The following SEC16A variants were observed in gnomAD, a reference collection of about 807,000 sequenced individuals.
The protein encoded by SEC16A is protein transport protein Sec16A.
In SEC16A, 110 loss-of-function variants were observed where a neutral mutation model predicts 221.9. That is an observed-to-expected ratio of 0.50 (90% CI 0.42 to 0.58). SEC16A has a LOEUF of 0.58. SEC16A is among the 20% of genes least tolerant of loss of function. The pLI is 0.00. For synonymous variants in SEC16A, 1,393 were observed against 1,257.7 expected, an observed-to-expected ratio of 1.11 and a Z score of -2.28; for missense variants, 3,165 against 3,097.8, an observed-to-expected ratio of 1.02 and a Z score of -0.52.
chr9:136,448,157 T>C lies in SEC16A; in HGVS notation c.6317A>G (p.Glu2106Gly). The change falls in exon 24 of 32, where the codon GAA becomes GGA. Residue 2106 changes from glutamate to glycine, a missense_variant. Coordinates refer to ENST00000684901, the MANE Select transcript of SEC16A (RefSeq NM_014866.2). ...KKETKEPKKGESWFFRWLPGK... is the reference protein window; with the variant it reads ...KKETKEPKKGGSWFFRWLPGK... ...AGGTAGCCAACGAAAGAACCAGGAT[T>C]CACCCTAAATATAAAAAACACGAGA... 1 of 1,612,734 alleles carries C rather than the reference T, an allele frequency of 6.2e-7. No individual in the cohort carries two copies. Among genetic ancestry groups the C allele is most frequent in the South Asian group, 1.1e-5 (1 of 90,968 alleles).
In SEC16A at chr9:136,468,546, T is replaced by C. The variant is rs752760639; in HGVS notation, c.3705-34A>G. On this transcript the variant is annotated intron_variant, in intron 4 of 31. Transcript: ENST00000684901. Reference sequence around the variant, plus strand: ...ACACACAGTGCTGTTAAAACACAAATTACCTATTTCTTAAAGTGTGACATC... The same window carrying C: ...ACACACAGTGCTGTTAAAACACAAACTACCTATTTCTTAAAGTGTGACATC... The C allele has an allele frequency of 2.2e-6, 3 of 1,346,186 alleles. No homozygotes were observed. The South Asian group carries it at 3.5e-5, about 16-fold the overall frequency. 83.4% of individuals were successfully genotyped at this position (1,346,186 alleles called of 1,614,324 possible).
rs1836109323 is a variant in SEC16A at position 136,440,791 on chromosome 9, C to A, written c.*964G>T. The A allele has an allele frequency of 6.6e-6, 1 of 152,426 alleles. No homozygotes were observed. Among genetic ancestry groups the A allele is most frequent in the Non-Finnish European group, 1.5e-5 (1 of 68,050 alleles). 9.4% of individuals were successfully genotyped at this position (152,426 alleles called of 1,614,324 possible). A position where few individuals can be genotyped will look rare whatever the true frequency, so the allele number is the denominator to read the frequency against. On this transcript the variant is annotated 3_prime_UTR_variant, in exon 32 of 32. Coordinates refer to ENST00000684901, the MANE Select transcript of SEC16A (RefSeq NM_014866.2). Reference sequence around the variant, plus strand: ...GTGCTACCAACCTCTGAACCAACGTCCCCCAGGGGAGAAAGTGGGTCATGT... The same window carrying A: ...GTGCTACCAACCTCTGAACCAACGTACCCCAGGGGAGAAAGTGGGTCATGT...
intron 1 of SEC16A, among the ~76,000 whole-genome samples, chr9:136,482,263 G>T (rs767413795): frequency 2.6e-5 from 4 of 152,200 alleles, no homozygotes; most frequent in African/African-American, 7.2e-5. Flanking sequence ...TTGCCACATG[G>T]GGGATGGGAA....
At chr9:136,473,703 A>T (rs1204028661) in intron 3 of SEC16A, among the ~76,000 whole-genome samples, 2 of 152,256 alleles carry the variant, frequency 1.3e-5, no homozygotes, top group African/African-American at 4.8e-5. Context: ...GCAAGACAGA[A>T]CTTTTCTGCA....
chr9:136,451,991 C>A (rs1837877913), intron 22 of SEC16A, among the ~76,000 whole-genome samples: 1 of 152,138 alleles, frequency 6.6e-6, no homozygotes, highest in Admixed American at 6.5e-5. Context: ...AACCATCCCT[C>A]CTGGTTAGGA....
intron 2 of SEC16A, 96 bp from the exon 3 acceptor site, chr9:136,477,780 G>A (rs1258919768): frequency 4.1e-6 from 5 of 1,225,192 alleles, no homozygotes; most frequent in Non-Finnish European, 5.5e-6. Context: ...CATTGAACAT[G>A]ATTTTATGTC....
intron 20 of SEC16A, among the ~76,000 whole-genome samples, chr9:136,455,087 C>T (rs962366694): frequency 2.6e-5 from 4 of 152,198 alleles, no homozygotes; most frequent in African/African-American, 7.2e-5. Context: ...AGGAAGGAGC[C>T]CGTGCTCATC....
At chr9:136,456,926 G>C (rs562743999) in intron 18 of SEC16A, among the ~76,000 whole-genome samples, 27 of 152,322 alleles carry the variant, frequency 1.8e-4, no homozygotes, top group African/African-American at 5.8e-4. Context: ...CCAGCACTTT[G>C]GGAGGCCAAG....
Position 136,447,379 on chromosome 9 carries a change from G to C in SEC16A, c.6560-15C>G, listed in dbSNP as rs1210230391. ...TCTGGTTCCTGCTGCAAAGGGGAGG[G>C]AAGCAAATTGAGGTGAACGCGCCAG... On this transcript the variant is annotated splice_polypyrimidine_tract_variant and intron_variant, in intron 26 of 31. Coordinates refer to ENST00000684901, the MANE Select transcript of SEC16A (RefSeq NM_014866.2). This position sits in a 1 kb window ranked among gnomAD's most constrained non-coding sequence, Gnocchi z 5.5. 2 of 1,596,046 alleles carry C rather than the reference G, an allele frequency of 1.3e-6. No homozygotes were observed. The highest frequency in any genetic ancestry group is 1.7e-6 in the Non-Finnish European group (2 of 1,171,818).
Position 136,477,686 on chromosome 9 carries a change from TG to T in SEC16A, c.-69-3del. 2 of 1,461,742 alleles carry T rather than the reference TG, an allele frequency of 1.4e-6. No homozygotes were observed. Among genetic ancestry groups the T allele is most frequent in the East Asian group, 4.9e-5 (2 of 40,920 alleles). The allele number at this position is 1,461,742 out of a possible 1,614,324, so 90.5% of individuals were successfully genotyped here. A position where few individuals can be genotyped will look rare whatever the true frequency, so the allele number is the denominator to read the frequency against. On this transcript the variant is annotated splice_region_variant and splice_polypyrimidine_tract_variant and intron_variant, in intron 2 of 31. Coordinates refer to ENST00000684901, the MANE Select transcript of SEC16A (RefSeq NM_014866.2). ...GATATAGCTGTTCCTTAATTGGAGC[TG>T]GAAAAGAAAAAGAGAAAATCAGCAT...
Position 136,448,133 on chromosome 9 carries a change from G to A in SEC16A, c.6341C>T (p.Pro2114Leu), listed in dbSNP as rs2131873634. The stretch of plus-strand genomic sequence containing the variant: ...ATAAGCTTCTGTCTTTTTCTTTCCA[G>A]GTAGCCAACGAAAGAACCAGGATTC... ...KGESWFFRWL[P>L]GKKKTEAYLP... Residue 2114 changes from proline (P) to leucine (L), a missense_variant, in exon 24 of 32, where the codon CCT becomes CTT. Coordinates refer to ENST00000684901, the MANE Select transcript of SEC16A (RefSeq NM_014866.2). 4 of 1,613,536 alleles carry A rather than the reference G, an allele frequency of 2.5e-6. No homozygotes were observed. Among genetic ancestry groups the A allele is most frequent in the Non-Finnish European group, 3.4e-6 (4 of 1,179,694 alleles).
chr9:136,476,182 C>T lies in SEC16A; in HGVS notation c.1434G>A (p.Leu478=), dbSNP rs768619395. The T allele has an allele frequency of 6.2e-7, 1 of 1,613,870 alleles. No individual in the cohort carries two copies. The highest frequency in any genetic ancestry group is 8.5e-7 in the Non-Finnish European group (1 of 1,179,900). The change falls in exon 3 of 32, where the codon TTG becomes TTA. Residue 478 remains leucine (L), a synonymous_variant. Transcript: ENST00000684901. Reference sequence around the variant, plus strand: ...ACTGGTCACTCGGGGAGGAAGGGTCCAAATTGAGGGGCTCACTTGGCAGAA... The same window carrying T: ...ACTGGTCACTCGGGGAGGAAGGGTCTAAATTGAGGGGCTCACTTGGCAGAA... ...QEVLPSEPLN[L]DPSSPSDQFR... is the part of the protein sequence containing the mutation.
chr9:136,472,762 C>T (rs1427025181), intron 3 of SEC16A, among the ~76,000 whole-genome samples: 1 of 152,234 alleles, frequency 6.6e-6, no homozygotes. Context: ...CACGCTTAAG[C>T]GCCTCAAAGC....
Position 136,476,342 on chromosome 9 carries a change from TGGCAGAGGCTGCCTGCCCCCAC to T in SEC16A, c.1252_1273del (p.Val418ArgfsTer38). 1 of 1,611,940 alleles carries T rather than the reference TGGCAGAGGCTGCCTGCCCCCAC, an allele frequency of 6.2e-7. No homozygotes were observed. The highest frequency in any genetic ancestry group is 8.5e-7 in the Non-Finnish European group (1 of 1,179,784). ...ATTGCTGGGGCCTGGGAGAAGGGCC[TGGCAGAGGCTGCCTGCCCCCAC>T]GTGTGTAGGTGCGGGCGGACGGCCT... On this transcript the variant is annotated frameshift_variant, in exon 3 of 32. Transcript: ENST00000684901. LOFTEE classifies it high-confidence loss of function.
chr9:136,478,847 A>C lies in SEC16A; in HGVS notation c.-191-17T>G, dbSNP rs1784325860. On this transcript the variant is annotated splice_polypyrimidine_tract_variant and intron_variant, in intron 1 of 31. Coordinates refer to ENST00000684901, the MANE Select transcript of SEC16A (RefSeq NM_014866.2). ...AGACGGTCTCTATTTTAAAAAAATAAATAAATAAAAAGTGACACAATCATT... is the reference window on the plus strand; with the variant it reads ...AGACGGTCTCTATTTTAAAAAAATACATAAATAAAAAGTGACACAATCATT... Among the ~76,000 whole-genome samples, 1 of 152,254 alleles carries C rather than the reference A, an allele frequency of 6.6e-6. No individual in the cohort carries two copies. Among genetic ancestry groups the C allele is most frequent in the African/African-American group, 2.4e-5 (1 of 41,460 alleles).
At chr9:136,464,795 G>A (rs959110968) in intron 8 of SEC16A, among the ~76,000 whole-genome samples, 2 of 152,214 alleles carry the variant, frequency 1.3e-5, no homozygotes, top group African/African-American at 2.4e-5. Context: ...CTTGTACACT[G>A]AGAAAGCTCC....
At position 136,460,096 on chromosome 9, in the gene SEC16A, G is replaced by A. The variant is rs763527534; in HGVS notation, c.5019C>T (p.Asp1673=). 9 of 1,607,700 alleles carry A rather than the reference G, an allele frequency of 5.6e-6. No homozygotes were observed. Among genetic ancestry groups the A allele is most frequent in the Non-Finnish European group, 7.6e-6 (9 of 1,177,120 alleles). ...TGAGCTGGTAGACTGTCTGCAGAGG[G>A]TCGTTGATTGGGAGGCTGTTAGCAA... ...TRFANSLPIN[D]PLQTVYQLMS... Residue 1673 remains aspartate, a synonymous_variant, in exon 14 of 32, where the codon GAC becomes GAT. Coordinates refer to ENST00000684901, the MANE Select transcript of SEC16A (RefSeq NM_014866.2).
At position 136,466,903 on chromosome 9, in the gene SEC16A, C is replaced by G; in HGVS notation, c.3929+54G>C. The stretch of plus-strand genomic sequence containing the variant: ...ACCCAGACATGAGGGCAGAGAAGCA[C>G]TAGCGCGCCCTGGCTGCCCCCAGCC... On this transcript the variant is annotated intron_variant, in intron 6 of 31. Coordinates refer to ENST00000684901, the MANE Select transcript of SEC16A (RefSeq NM_014866.2). This position sits in a 1 kb window ranked among gnomAD's most constrained non-coding sequence, Gnocchi z 5.5. The G allele has an allele frequency of 6.4e-7, 1 of 1,572,606 alleles. No individual in the cohort carries two copies. The highest frequency in any genetic ancestry group is 1.9e-5 in the Admixed American group (1 of 53,722).
Position 136,466,584 on chromosome 9 carries a change from A to G in SEC16A, c.3930-122T>C, listed in dbSNP as rs943908972. The G allele has an allele frequency of 1.1e-6, 1 of 878,606 alleles. No individual in the cohort carries two copies. The allele number at this position is 878,606 out of a possible 1,614,324, so 54.4% of individuals were successfully genotyped here. A position where few individuals can be genotyped will look rare whatever the true frequency, so the allele number is the denominator to read the frequency against. Reference sequence around the variant, plus strand: ...CTGGGGCCGAGGCACAACACAGCACACCCGACACTCAGGGCCCTCTGACGT... The same window carrying G: ...CTGGGGCCGAGGCACAACACAGCACGCCCGACACTCAGGGCCCTCTGACGT... On this transcript the variant is annotated intron_variant, in intron 6 of 31. Coordinates refer to ENST00000684901, the MANE Select transcript of SEC16A (RefSeq NM_014866.2). The surrounding 1 kb of genome is among the most constrained non-coding windows in gnomAD (Gnocchi z 5.5).
Sources: gnomAD v4.1 joint callset for allele counts (sites outside exome capture counted in the v4.1 genomes callset) on GRCh38, gnomAD v4.1.1 for gene constraint, Gnocchi (gnomAD v3.1) non-coding constraint, MANE v1.5 for transcripts, NCBI Gene and HGNC (gene_info 2026-07-23, HGNC 2026-07-21) for gene names.